EPS8: variants seen among roughly 807,000 people sequenced by gnomAD.
The protein encoded by EPS8 is epidermal growth factor receptor kinase substrate 8.
EPS8 carries 42 observed loss-of-function variants against 103.8 expected under a neutral mutation model. That is an observed-to-expected ratio of 0.40 (90% CI 0.32 to 0.52). The LOEUF is 0.52. Ranked by LOEUF, EPS8 falls within the 20% of genes least tolerant of loss-of-function variation. The pLI, the probability that EPS8 is intolerant of heterozygous loss-of-function variation, is 0.40. For missense variants in EPS8, 969 were observed against 1,005.1 expected (o/e 0.96, Z 0.49); for synonymous variants, 344 against 344.6 (o/e 1.00, Z 0.02).
intron 1 of EPS8, among the ~76,000 whole-genome samples, chr12:15,729,982 C>T (rs1177198614): frequency 6.6e-6 from 1 of 152,168 alleles, no homozygotes; most frequent in Non-Finnish European, 1.5e-5. Context: ...TAACTATTCA[C>T]AATACACTTC....
In EPS8 at chr12:15,647,110, T is replaced by C. The variant is rs1010004825; in HGVS notation, c.1568+17A>G. 1.2e-6 allele frequency: 2 copies of C among 1,609,134 alleles called. No individual in the cohort carries two copies. The highest frequency in any genetic ancestry group is 1.7e-5 in the Admixed American group (1 of 59,512). On this transcript the variant is annotated intron_variant, in intron 15 of 20. Coordinates refer to ENST00000281172, the MANE Select transcript of EPS8 (RefSeq NM_004447.6). ...CATTTATCCACAGCTCTCCAAAGGG[T>C]GCCCATTAAATGTTACCTATCTATA...
chr12:15,682,786 T>C (rs1049801200), intron 2 of EPS8, 107 bp downstream of exon 2: 2 of 650,102 alleles, frequency 3.1e-6, no homozygotes, highest in Admixed American at 3.1e-5. Flanking sequence ...AGGAATGAAC[T>C]ACTGAACTAC....
chr12:15,658,288 G>A, intron 11 of EPS8, 135 bp from the exon 12 acceptor site: 2 of 676,150 alleles, frequency 3.0e-6, no homozygotes, highest in South Asian at 3.8e-5. Context: ...TGGATAGAGT[G>A]AGAATAGAAG....
intron 18 of EPS8, 55 bp downstream of exon 18, chr12:15,631,387 C>T (rs1197099242): frequency 1.2e-6 from 2 of 1,607,590 alleles, no homozygotes; most frequent in African/African-American, 2.7e-5. Flanking sequence ...CAATATTTTA[C>T]TTAGTAGTGC....
chr12:15,621,956 C>T (rs1010425638), intron 20 of EPS8, among the ~76,000 whole-genome samples: 4 of 151,984 alleles, frequency 2.6e-5, no homozygotes, highest in Non-Finnish European at 4.4e-5. Flanking sequence ...TTAACTAGAT[C>T]CAAGGAAAGG....
rs747027665 is a variant in EPS8, at chr12:15,777,511, G to A, written c.-22+11650C>T. ...CTTAGTACCCAAATAAGGTAAAGGC[G>A]ATGAAGGCTTCAATCCCTCCTTTGT... On this transcript the variant is annotated intron_variant, in intron 1 of 20. Coordinates refer to ENST00000281172, the MANE Select transcript of EPS8 (RefSeq NM_004447.6). This position sits in a 1 kb window ranked among gnomAD's most constrained non-coding sequence, Gnocchi z 4.7. Among the ~76,000 whole-genome samples the A allele has an allele frequency of 2.6e-5, 4 of 152,084 alleles. No individual in the cohort carries two copies. Among genetic ancestry groups the A allele is most frequent in the East Asian group, 3.9e-4 (2 of 5,186 alleles).
rs1946121537 is a variant in EPS8, at chr12:15,688,197, C to G, written c.-21-5225G>C. 6.6e-6 allele frequency among the ~76,000 whole-genome samples: 1 copy of G among 152,184 alleles called. No individual in the cohort carries two copies. The highest frequency in any genetic ancestry group is 1.5e-5 in the Non-Finnish European group (1 of 68,018). On this transcript the variant is annotated intron_variant, in intron 1 of 20. Transcript: ENST00000281172. This position sits in a 1 kb window ranked among gnomAD's most constrained non-coding sequence, Gnocchi z 5.1. Reference sequence around the variant, plus strand: ...AGCCCCCAGTTCATAAGACATTTTACAAATATCACCTCACTTTATCCTTAA... The same window carrying G: ...AGCCCCCAGTTCATAAGACATTTTAGAAATATCACCTCACTTTATCCTTAA...
At position 15,725,363 on chromosome 12, in the gene EPS8, T is replaced by A. The variant is rs887280513; in HGVS notation, c.-21-42391A>T. On this transcript the variant is annotated intron_variant, in intron 1 of 20. Coordinates refer to ENST00000281172, the MANE Select transcript of EPS8 (RefSeq NM_004447.6). This position sits in a 1 kb window ranked among gnomAD's most constrained non-coding sequence, Gnocchi z 4.5. ...GGCTCACACCTGTAATCCCAGCTACTTGGGAGGCCGAGGCAGGAGGATCAC... is the reference window on the plus strand; with the variant it reads ...GGCTCACACCTGTAATCCCAGCTACATGGGAGGCCGAGGCAGGAGGATCAC... 6.6e-6 allele frequency among the ~76,000 whole-genome samples: 1 copy of A among 151,872 alleles called. No individual in the cohort carries two copies. Among genetic ancestry groups the A allele is most frequent in the Non-Finnish European group, 1.5e-5 (1 of 67,992 alleles).
At chr12:15,699,375 G>A (rs751572169) in intron 1 of EPS8, among the ~76,000 whole-genome samples, 2 of 152,024 alleles carry the variant, frequency 1.3e-5, no homozygotes, top group Non-Finnish European at 2.9e-5. Flanking sequence ...TCTCAGCTTC[G>A]GTTTACTCAC....
chr12:15,684,299 C>T lies in EPS8; in HGVS notation c.-21-1327G>A, dbSNP rs866221054. The T allele has an allele frequency of 5.3e-5, 8 of 152,188 alleles. No individual in the cohort carries two copies. The highest frequency in any genetic ancestry group is 7.2e-5 in the African/African-American group (3 of 41,528). 9.4% of individuals were successfully genotyped at this position (152,188 alleles called of 1,614,324 possible). A position where few individuals can be genotyped will look rare whatever the true frequency, so the allele number is the denominator to read the frequency against. ...GTCCTCAGGGGAAGATTTTACTGAC[C>T]GTCCTGGATAGATAAAATCCCACTA... On this transcript the variant is annotated intron_variant, in intron 1 of 20. Coordinates refer to ENST00000281172, the MANE Select transcript of EPS8 (RefSeq NM_004447.6). The surrounding 1 kb of genome is among the most constrained non-coding windows in gnomAD (Gnocchi z 4.9).
At position 15,697,868 on chromosome 12, in the gene EPS8, A is replaced by G. The variant is rs1234481917; in HGVS notation, c.-21-14896T>C. ...AAATAGGATCAATATAAAGGCCAAG[A>G]TAGTACCAGAATAAAGACAATGGAC... On this transcript the variant is annotated intron_variant, in intron 1 of 20. Coordinates refer to ENST00000281172, the MANE Select transcript of EPS8 (RefSeq NM_004447.6). The surrounding 1 kb of genome is among the most constrained non-coding windows in gnomAD (Gnocchi z 5.6). 6.6e-6 allele frequency among the ~76,000 whole-genome samples: 1 copy of G among 152,186 alleles called. No individual in the cohort carries two copies. The highest frequency in any genetic ancestry group is 2.4e-5 in the African/African-American group (1 of 41,458).
At chr12:15,640,171 C>T (rs1465412730) in intron 17 of EPS8, among the ~76,000 whole-genome samples, 1 of 152,196 alleles carries the variant, frequency 6.6e-6, no homozygotes, top group Non-Finnish European at 1.5e-5. Context: ...ATCCTAAGTA[C>T]CTTTTAATCT....
At chr12:15,758,478 T>C (rs1329646794) in intron 1 of EPS8, among the ~76,000 whole-genome samples, 1 of 152,330 alleles carries the variant, frequency 6.6e-6, no homozygotes, top group Non-Finnish European at 1.5e-5. Context: ...ATTAGCCACA[T>C]ATGACCATTG....
chr12:15,631,012 T>C (rs1477213487), intron 18 of EPS8, among the ~76,000 whole-genome samples: 1 of 152,212 alleles, frequency 6.6e-6, no homozygotes, highest in Non-Finnish European at 1.5e-5. Context: ...TGAGAAGCAC[T>C]GAAGTAGATG....
intron 15 of EPS8, among the ~76,000 whole-genome samples, chr12:15,642,656 C>G (rs1437433774): frequency 6.6e-6 from 1 of 152,128 alleles, no homozygotes; most frequent in East Asian, 1.9e-4. Context: ...ACTCCCTAGT[C>G]TTCTCCTCCA....
At chr12:15,644,756 T>C (rs1050154003) in intron 15 of EPS8, among the ~76,000 whole-genome samples, 1 of 152,072 alleles carries the variant, frequency 6.6e-6, no homozygotes, top group African/African-American at 2.4e-5. Context: ...TTTAACAGTA[T>C]CTACTGCATT....
chr12:15,662,872 A>T (rs1945630075), intron 8 of EPS8, among the ~76,000 whole-genome samples: 1 of 152,112 alleles, frequency 6.6e-6, no homozygotes, highest in Non-Finnish European at 1.5e-5. Context: ...ACAAATGGAA[A>T]TACAACTCAT....
In EPS8 at chr12:15,669,918, G is replaced by C. The variant is rs776252369; in HGVS notation, c.205-93C>G. 31 of 906,472 alleles carry C rather than the reference G, an allele frequency of 3.4e-5. No homozygotes were observed. The Middle Eastern group carries it at 9.9e-4, about 29-fold the overall frequency. 56.2% of individuals were successfully genotyped at this position (906,472 alleles called of 1,614,324 possible). A position where few individuals can be genotyped will look rare whatever the true frequency, so the allele number is the denominator to read the frequency against. ...TTTCCAAAAGAAAATCAAATAACCTGAGGTCAGCTAGCAGAGAACGACAAA... is the reference window on the plus strand; with the variant it reads ...TTTCCAAAAGAAAATCAAATAACCTCAGGTCAGCTAGCAGAGAACGACAAA... On this transcript the variant is annotated intron_variant, in intron 4 of 20. Transcript: ENST00000281172.
rs1947035966 is a variant in EPS8 at position 15,761,020 on chromosome 12, T to C, written c.-22+28141A>G. Among the ~76,000 whole-genome samples, 1 of 152,110 alleles carries C rather than the reference T, an allele frequency of 6.6e-6. No homozygotes were observed. On this transcript the variant is annotated intron_variant, in intron 1 of 20. Transcript: ENST00000281172. The surrounding 1 kb of genome is among the most constrained non-coding windows in gnomAD (Gnocchi z 4.5). ...AACCCAAATTATCCTTGTCTGCAGA[T>C]GATATGATCTTATATTTGGAAAAAC...
Sources: allele counts gnomAD v4.1 joint callset (sites outside exome capture counted in the v4.1 genomes callset), GRCh38; gene constraint gnomAD v4.1.1; non-coding constraint Gnocchi (gnomAD v3.1); transcripts MANE v1.5; gene names NCBI Gene and HGNC (gene_info 2026-07-23, HGNC 2026-07-21).